Variants in SEMA3C observed in about 807,000 individuals in gnomAD.
SEMA3C encodes the protein semaphorin-3C.
A neutral mutation model predicts 89.4 loss-of-function variants in SEMA3C; 47 were observed. The ratio of observed to expected loss-of-function variants is 0.53; its 90% CI spans 0.42 to 0.67. The LOEUF (loss-of-function observed/expected upper bound fraction) is 0.67, where lower values mean the gene tolerates loss of function less well. SEMA3C is among the 30% of genes least tolerant of loss of function. The pLI is 0.00. For synonymous variants in SEMA3C, 310 were observed against 320.2 expected (o/e 0.97, Z 0.34); for missense variants, 839 against 929.1 (o/e 0.90, Z 1.26).
chr7:80,803,350 C>T lies in SEMA3C; in HGVS notation c.802-571G>A, dbSNP rs17154466. ...AGTCTCCAGTGAAGACATTTTCTTC[C>T]TGTGTCCAAAGGCCTTTTACCCCTT... On this transcript the variant is annotated intron_variant, in intron 8 of 17. Coordinates refer to ENST00000265361, the MANE Select transcript of SEMA3C (RefSeq NM_006379.5). Among the ~76,000 whole-genome samples the T allele has an allele frequency of 6.3e-3, 964 of 152,236 alleles. 47 individuals carry two copies. In the East Asian group the frequency reaches 0.11, roughly 18 times the overall value.
chr7:80,870,799 A>G (rs1486974916), intron 2 of SEMA3C, among the ~76,000 whole-genome samples: 1 of 152,210 alleles, frequency 6.6e-6, no homozygotes, highest in Non-Finnish European at 1.5e-5. Flanking sequence ...AGAAAGAGAC[A>G]CTTTAAAGAA....
At chr7:80,817,683 T>C (rs1165847143) in intron 5 of SEMA3C, among the ~76,000 whole-genome samples, 1 of 152,188 alleles carries the variant, frequency 6.6e-6, no homozygotes, top group Non-Finnish European at 1.5e-5. Context: ...CATATCACCT[T>C]AACTAATTTA....
rs1213501013 is a variant in SEMA3C at position 80,789,287 on chromosome 7, C to A, written c.1354+19G>T. ...TCTTTTACTACACATTAAAGCATAT[C>A]TTGGGCTCAAATATTTACCTGTTCC... On this transcript the variant is annotated intron_variant, in intron 12 of 17. Coordinates refer to ENST00000265361, the MANE Select transcript of SEMA3C (RefSeq NM_006379.5). 1.3e-6 allele frequency: 2 copies of A among 1,598,244 alleles called. No homozygotes were observed. The highest frequency in any genetic ancestry group is 1.1e-5 in the South Asian group (1 of 89,964).
intron 12 of SEMA3C, among the ~76,000 whole-genome samples, chr7:80,778,493 T>TA (rs1788618659): frequency 6.6e-6 from 1 of 152,204 alleles, no homozygotes. Flanking sequence ...CACCATTTTT[T>TA]ATCATAAGAT....
intron 2 of SEMA3C, among the ~76,000 whole-genome samples, chr7:80,863,248 A>T (rs1790815461): frequency 6.6e-6 from 1 of 150,858 alleles, no homozygotes; most frequent in African/African-American, 2.4e-5. Context: ...AAAAAAAAAT[A>T]GCTCAACATC....
intron 2 of SEMA3C, among the ~76,000 whole-genome samples, chr7:80,910,922 G>T (rs1489918224): frequency 6.6e-6 from 1 of 151,788 alleles, no homozygotes; most frequent in Non-Finnish European, 1.5e-5. Flanking sequence ...TGATAAATTT[G>T]CATAATGAAA....
intron 2 of SEMA3C, among the ~76,000 whole-genome samples, chr7:80,869,843 T>C (rs1791014903): frequency 6.6e-6 from 1 of 152,192 alleles, no homozygotes; most frequent in South Asian, 2.1e-4. Context: ...TGGAAATCTC[T>C]TACTCATTCT....
At chr7:80,809,435 T>C (rs1252697844) in intron 6 of SEMA3C, among the ~76,000 whole-genome samples, 1 of 152,178 alleles carries the variant, frequency 6.6e-6, no homozygotes, top group East Asian at 1.9e-4. Context: ...TTTGGATATA[T>C]ACCCAGAAGA....
At chr7:80,834,321 G>C (rs1291182363) in intron 2 of SEMA3C, among the ~76,000 whole-genome samples, 1 of 152,012 alleles carries the variant, frequency 6.6e-6, no homozygotes, top group African/African-American at 2.4e-5. Flanking sequence ...TGCACAATAT[G>C]CTTACCTAAA....
Position 80,761,647 on chromosome 7 carries a change from G to A in SEMA3C, c.1454C>T (p.Pro485Leu), listed in dbSNP as rs750981812. 3.7e-6 allele frequency: 5 copies of A among 1,338,556 alleles called. No individual in the cohort carries two copies. In the African/African-American group the frequency reaches 6.0e-5, roughly 16 times the overall value. 82.9% of individuals were successfully genotyped at this position (1,338,556 alleles called of 1,614,324 possible). A position where few individuals can be genotyped will look rare whatever the true frequency, so the allele number is the denominator to read the frequency against. ...AGATGAAATTTTCATTGTTGTTATA[G>A]GAGCATGATTCTAAAATATTAGAAA... ...EELEVFKNHAPITTMKISSKK... is the reference protein window; with the variant it reads ...EELEVFKNHALITTMKISSKK... Residue 485 changes from proline to leucine, a missense_variant, in exon 14 of 18, where the codon CCT (proline) becomes CTT (leucine). Physicochemically the swap from Pro to Leu is moderately conservative, Grantham distance 98. Coordinates refer to ENST00000265361, the MANE Select transcript of SEMA3C (RefSeq NM_006379.5).
At chr7:80,806,940 G>T (rs1172491525) in intron 6 of SEMA3C, among the ~76,000 whole-genome samples, 1 of 152,062 alleles carries the variant, frequency 6.6e-6, no homozygotes, top group Non-Finnish European at 1.5e-5. Context: ...TGCTCGCCAG[G>T]TTATGAACTG....
chr7:80,784,302 A>G (rs954275744), intron 12 of SEMA3C, among the ~76,000 whole-genome samples: 8 of 151,872 alleles, frequency 5.3e-5, no homozygotes, highest in African/African-American at 1.9e-4. Context: ...AAGAACATAA[A>G]AACACCTAGA....
chr7:80,750,567 A>G (rs1005523307), intron 16 of SEMA3C, among the ~76,000 whole-genome samples: 3 of 150,750 alleles, frequency 2.0e-5, no homozygotes, highest in African/African-American at 7.3e-5. Flanking sequence ...AACATGAAGA[A>G]AATTGTAATA....
rs1792282677 is a variant in SEMA3C at position 80,916,671 on chromosome 7, T to C, written c.103+8A>G. The C allele has an allele frequency of 6.2e-6, 10 of 1,605,908 alleles. No individual in the cohort carries two copies. Among genetic ancestry groups the C allele is most frequent in the Non-Finnish European group, 2.5e-6 (3 of 1,176,874 alleles). ...CATTTTTCCCAGAGTGTTTATCAACTCTCTTACCATCAAATGTTAAATAAA... is the reference window on the plus strand; with the variant it reads ...CATTTTTCCCAGAGTGTTTATCAACCCTCTTACCATCAAATGTTAAATAAA... On this transcript the variant is annotated splice_region_variant and intron_variant, in intron 2 of 17. Transcript: ENST00000265361.
rs111311847 is a variant in SEMA3C, at chr7:80,756,846, C to G, written c.1643+1485G>C. ...CCCACCCATTTAACATCACGACCTCCTGCTTACCACTTATTGTACCTACCT... is the reference window on the plus strand; with the variant it reads ...CCCACCCATTTAACATCACGACCTCGTGCTTACCACTTATTGTACCTACCT... On this transcript the variant is annotated intron_variant, in intron 15 of 17. Transcript: ENST00000265361. Among the ~76,000 whole-genome samples, 1,116 of 152,268 alleles carry G rather than the reference C, an allele frequency of 7.3e-3. 15 individuals carry two copies. Among genetic ancestry groups the G allele is most frequent in the African/African-American group, 0.025 (1,050 of 41,542 alleles).
chr7:80,782,288 TC>T (rs1788708572), intron 12 of SEMA3C, among the ~76,000 whole-genome samples: 1 of 152,182 alleles, frequency 6.6e-6, no homozygotes, highest in African/African-American at 2.4e-5. Flanking sequence ...GTGCAGTTCG[TC>T]CAAGTCTTCT....
At chr7:80,794,306 ATC>A (rs1175704425) in intron 11 of SEMA3C, among the ~76,000 whole-genome samples, 2 of 151,940 alleles carry the variant, frequency 1.3e-5, no homozygotes, top group Non-Finnish European at 1.5e-5. Context: ...TTTTACTACA[ATC>A]TCTCTCTCCT....
upstream of SEMA3C, among the ~76,000 whole-genome samples, chr7:80,921,158 G>T (rs1473349109): frequency 6.6e-6 from 1 of 152,110 alleles, no homozygotes; most frequent in Non-Finnish European, 1.5e-5. Context: ...ACACATTCAG[G>T]GGTTTGGAGG....
At chr7:80,749,050 C>A in intron 16 of SEMA3C, 22 bp from the exon 17 acceptor site, 2 of 1,577,292 alleles carry the variant, frequency 1.3e-6, no homozygotes, top group Non-Finnish European at 1.7e-6. Flanking sequence ...AAATAAAAGG[C>A]GAGAGAGAAA....
Sources: gnomAD v4.1 joint callset for allele counts (sites outside exome capture counted in the v4.1 genomes callset) on GRCh38, gnomAD v4.1.1 for gene constraint, MANE v1.5 for transcripts, NCBI Gene and HGNC (gene_info 2026-07-23, HGNC 2026-07-21) for gene names.